Variants in SHOC1 observed in about 807,000 individuals in gnomAD.
The protein encoded by SHOC1 is protein shortage in chiasmata 1 ortholog.
In SHOC1, 136 loss-of-function variants were observed where a neutral mutation model predicts 179.2. The ratio of observed to expected loss-of-function variants is 0.76; its 90% confidence interval spans 0.66 to 0.87. The LOEUF (loss-of-function observed/expected upper bound fraction) is 0.87. Among genes scored for constraint, SHOC1 ranks in the 40% least tolerant of loss-of-function variants. The pLI, the probability that SHOC1 is intolerant of heterozygous loss-of-function variation, is 0.00. For synonymous variants in SHOC1, 489 were observed against 586.6 expected (o/e 0.83, Z 2.41); for missense variants, 1,538 against 1,700.8 (o/e 0.90, Z 1.68).
In SHOC1 at chr9:111,723,821, G is replaced by C. The variant is rs1833176245; in HGVS notation, c.1925C>G (p.Thr642Arg). 2 of 1,611,800 alleles carry C rather than the reference G, an allele frequency of 1.2e-6. No individual in the cohort carries two copies. Among genetic ancestry groups the C allele is most frequent in the Non-Finnish European group, 1.7e-6 (2 of 1,179,064 alleles). ...TLEEINQERG[T>R]DSVIEIQASD... ...CGCTTGAATTTCAATGACACTATCT[G>C]TTCCCCTTTCCTGATTTATTTCCTC... Residue 642 changes from threonine (T) to arginine (R), a missense_variant, in exon 14 of 28, where the codon ACA (threonine) becomes AGA (arginine). Transcript: ENST00000682961.
chr9:111,759,632 C>T, intron 5 of SHOC1: 2 of 931,202 alleles, frequency 2.1e-6, no homozygotes, highest in Non-Finnish European at 2.6e-6. Flanking sequence ...AAAATATAAG[C>T]TCAGATGAAG....
At chr9:111,786,296 G>T (rs939238603) in intron 2 of SHOC1, among the ~76,000 whole-genome samples, 1 of 152,096 alleles carries the variant, frequency 6.6e-6, no homozygotes, top group Non-Finnish European at 1.5e-5. Flanking sequence ...TTATCCGGGC[G>T]TGGTTGTGGG....
chr9:111,723,788 A>T lies in SHOC1; in HGVS notation c.1954+4T>A. Reference sequence around the variant, plus strand: ...GAAATGCATTTTAAAAGCATATAACATACCTGACGCTTGAATTTCAATGAC... The same window carrying T: ...GAAATGCATTTTAAAAGCATATAACTTACCTGACGCTTGAATTTCAATGAC... On this transcript the variant is annotated splice_donor_region_variant and intron_variant, in intron 14 of 27. Coordinates refer to ENST00000682961, the MANE Select transcript of SHOC1 (RefSeq NM_001378211.1). 1 of 1,610,340 alleles carries T rather than the reference A, an allele frequency of 6.2e-7. No homozygotes were observed. The highest frequency in any genetic ancestry group is 8.5e-7 in the Non-Finnish European group (1 of 1,179,368).
chr9:111,724,919 T>C (rs886474559), intron 13 of SHOC1, among the ~76,000 whole-genome samples: 1 of 152,174 alleles, frequency 6.6e-6, no homozygotes, highest in Non-Finnish European at 1.5e-5. Flanking sequence ...AGGCACAAAG[T>C]ATCTAATAAA....
chr9:111,718,381 T>C, intron 15 of SHOC1, 93 bp from the exon 16 acceptor site: 1 of 708,276 alleles, frequency 1.4e-6, no homozygotes, highest in Non-Finnish European at 2.2e-6. Flanking sequence ...AGCTAACATT[T>C]ATTATTGAGT....
chr9:111,715,251 C>G (rs1162033888), intron 16 of SHOC1, among the ~76,000 whole-genome samples: 2 of 152,074 alleles, frequency 1.3e-5, no homozygotes, highest in Admixed American at 1.3e-4. Flanking sequence ...ACCAGAGTTA[C>G]CACCAGAGCA....
chr9:111,709,886 A>G (rs1186802799), intron 18 of SHOC1, among the ~76,000 whole-genome samples: 1 of 152,148 alleles, frequency 6.6e-6, no homozygotes, highest in Non-Finnish European at 1.5e-5. Flanking sequence ...ATAAATTTAT[A>G]CACCTACTAT....
intron 4 of SHOC1, among the ~76,000 whole-genome samples, chr9:111,776,680 ATACTTCTCTGT>A (rs1835846049): frequency 1.3e-5 from 2 of 152,178 alleles, no homozygotes; most frequent in African/African-American, 4.8e-5. Context: ...TTCCTCCCAA[ATACTTCTCTGT>A]TAGGCCACAG....
At chr9:111,714,303 G>T in intron 17 of SHOC1, 142 bp downstream of exon 17, 1 of 714,748 alleles carries the variant, frequency 1.4e-6, no homozygotes, top group Non-Finnish European at 2.3e-6. Flanking sequence ...ATTCTGTTCT[G>T]TTACCTTATT....
chr9:111,706,958 G>C (rs1832306770), intron 19 of SHOC1, among the ~76,000 whole-genome samples: 2 of 151,830 alleles, frequency 1.3e-5, no homozygotes, highest in South Asian at 4.1e-4. Context: ...TTTATACCAG[G>C]ATATAAAAAC....
chr9:111,714,257 T>A (rs1019505982), intron 17 of SHOC1, among the ~76,000 whole-genome samples, 188 bp downstream of exon 17: 5 of 152,164 alleles, frequency 3.3e-5, no homozygotes, highest in African/African-American at 1.2e-4. Context: ...ATTTGAGACA[T>A]GAATAATGAT....
intron 22 of SHOC1, among the ~76,000 whole-genome samples, chr9:111,702,482 G>C (rs533289152): frequency 6.6e-6 from 1 of 152,300 alleles, no homozygotes; most frequent in Admixed American, 6.5e-5. Context: ...GAAGAAAGTA[G>C]CCTATGGAGT....
Position 111,700,029 on chromosome 9 carries a change from C to T in SHOC1, c.3108G>A (p.Lys1036=). The T allele has an allele frequency of 6.3e-7, 1 of 1,594,726 alleles. No individual in the cohort carries two copies. Among genetic ancestry groups the T allele is most frequent in the South Asian group, 1.1e-5 (1 of 87,906 alleles). Residue 1036 remains lysine, a synonymous_variant, in exon 24 of 28, where the codon AAG becomes AAA. Coordinates refer to ENST00000682961, the MANE Select transcript of SHOC1 (RefSeq NM_001378211.1). ...AAATCAGTGCTAGGTGATGAAGTGT[C>T]TTTTCTGTAAGCAGATACCTACAAA... is the stretch of plus-strand genomic sequence containing the variant. ...TLNSEYLLTE[K]TLHHLALIYA... is the part of the protein sequence containing the mutation.
chr9:111,791,722 G>C (rs1284827466), intron 1 of SHOC1, among the ~76,000 whole-genome samples: 3 of 152,082 alleles, frequency 2.0e-5, no homozygotes, highest in Admixed American at 6.6e-5. Flanking sequence ...TTGCAAAAGA[G>C]GTTGAAATTT....
chr9:111,722,673 T>G, intron 14 of SHOC1, 88 bp from the exon 15 acceptor site: 1 of 1,025,254 alleles, frequency 9.8e-7, no homozygotes, highest in African/African-American at 1.7e-5. Flanking sequence ...TTCGTGGAGA[T>G]CCGAACTTCT....
intron 12 of SHOC1, among the ~76,000 whole-genome samples, chr9:111,735,922 T>C (rs1379020430): frequency 6.6e-6 from 1 of 152,224 alleles, no homozygotes; most frequent in African/African-American, 2.4e-5. Flanking sequence ...ACATTTTCTT[T>C]ATCCAATCCA....
At position 111,791,380 on chromosome 9, in the gene SHOC1, TA is replaced by T; in HGVS notation, c.38del (p.Leu13TyrfsTer31). 1 of 1,471,778 alleles carries T rather than the reference TA, an allele frequency of 6.8e-7. No homozygotes were observed. Among genetic ancestry groups the T allele is most frequent in the Non-Finnish European group, 9.0e-7 (1 of 1,105,868 alleles). 91.2% of individuals were successfully genotyped at this position (1,471,778 alleles called of 1,614,324 possible). On this transcript the variant is annotated frameshift_variant, in exon 2 of 28. Coordinates refer to ENST00000682961, the MANE Select transcript of SHOC1 (RefSeq NM_001378211.1). LOFTEE classifies it high-confidence loss of function. ...SALKYHAIDY[L>X]YENVVRKKFY... ...TAAGCCACTAACACTCTACCTCATA[TA>T]AATAGTCTATTGCATGATATTTCAA... is the stretch of plus-strand genomic sequence containing the variant.
At chr9:111,747,361 CAAT>C (rs1447397706) in intron 9 of SHOC1, among the ~76,000 whole-genome samples, 2 of 151,932 alleles carry the variant, frequency 1.3e-5, no homozygotes, top group East Asian at 1.9e-4. Flanking sequence ...ATAATATTAA[CAAT>C]AATGATGACA....
chr9:111,705,360 G>A lies in SHOC1; in HGVS notation c.2742C>T (p.Ser914=), dbSNP rs777006318. The change falls in exon 21 of 28, where the codon AGC becomes AGT. Residue 914 remains serine (S), a synonymous_variant. Coordinates refer to ENST00000682961, the MANE Select transcript of SHOC1 (RefSeq NM_001378211.1). The part of the protein sequence containing the change: ...VILPDTVLER[S]TLLDRFGGFL... Reference sequence around the variant, plus strand: ...AACCTCCAAATCTATCCAGCAAGGTGCTTCCTAAATAAGAGAAAATTTATA... The same window carrying A: ...AACCTCCAAATCTATCCAGCAAGGTACTTCCTAAATAAGAGAAAATTTATA... 2.0e-6 allele frequency: 3 copies of A among 1,484,276 alleles called. No homozygotes were observed. Among genetic ancestry groups the A allele is most frequent in the Admixed American group, 4.4e-5 (2 of 45,698 alleles). The allele number at this position is 1,484,276 out of a possible 1,614,324, so 91.9% of individuals were successfully genotyped here. A position where few individuals can be genotyped will look rare whatever the true frequency, so the allele number is the denominator to read the frequency against.
Sources: gnomAD v4.1 joint callset for allele counts (sites outside exome capture counted in the v4.1 genomes callset) on GRCh38, gnomAD v4.1.1 for gene constraint, MANE v1.5 for transcripts, NCBI Gene and HGNC (gene_info 2026-07-23, HGNC 2026-07-21) for gene names.